The following CCDC146 variants were observed in gnomAD, a reference collection of about 807,000 sequenced individuals.
The protein encoded by CCDC146 is coiled-coil domain containing 146.
CCDC146 carries 92 observed loss-of-function variants against 119.3 expected under a neutral mutation model. That is an observed-to-expected ratio of 0.77 (90% confidence interval 0.65 to 0.92). CCDC146 has a LOEUF of 0.92. CCDC146 is among the 40% of genes least tolerant of loss of function. The pLI, the probability that CCDC146 is intolerant of heterozygous loss-of-function variation, is 0.00. For synonymous variants in CCDC146, 372 were observed against 371.8 expected (o/e 1.00, Z -0.01); for missense variants, 1,000 against 1,103.0 (o/e 0.91, Z 1.32).
chr7:77,261,315 CTA>C (rs1793292741), intron 8 of CCDC146, among the ~76,000 whole-genome samples: 1 of 152,054 alleles, frequency 6.6e-6, no homozygotes, highest in African/African-American at 2.4e-5. Context: ...TTGTTCTTCT[CTA>C]TGTGTCCATG....
intron 1 of CCDC146, among the ~76,000 whole-genome samples, chr7:77,126,303 G>T (rs1177747023): frequency 2.0e-5 from 3 of 152,046 alleles, no homozygotes; most frequent in East Asian, 1.9e-4. Flanking sequence ...ATTTCATCAT[G>T]TTATTGTCAG....
At chr7:77,242,045 G>A in intron 4 of CCDC146, 145 bp downstream of exon 4, 1 of 653,300 alleles carries the variant, frequency 1.5e-6, no homozygotes, top group Non-Finnish European at 2.6e-6. Context: ...TCCTTAGAAT[G>A]GAATGGGAAT....
chr7:77,236,094 T>TAAATAAATAA (rs6150171), intron 2 of CCDC146, among the ~76,000 whole-genome samples: 1 of 151,830 alleles, frequency 6.6e-6, no homozygotes. Flanking sequence ...AATAAATAAA[T>TAAATAAATAA]GTAAGAACAA....
In CCDC146 at chr7:77,130,790, G is replaced by A. The variant is rs111337649; in HGVS notation, c.-12+8058G>A. Among the ~76,000 whole-genome samples the A allele has an allele frequency of 8.0e-3, 1,204 of 150,146 alleles. 24 individuals are homozygous for A. Among genetic ancestry groups the A allele is most frequent in the African/African-American group, 0.028 (1,156 of 40,664 alleles). On this transcript the variant is annotated intron_variant, in intron 1 of 18. Transcript: ENST00000285871. ...ATTTTTGTATTTTTAGTAGAGACGG[G>A]GTTTCACCGTGTTAGCCAGGATGGT...
rs182923237 is a variant in CCDC146 at position 77,124,364 on chromosome 7, A to G, written c.-12+1632A>G. ...TATAATGAGTATCAAATCTGTCCAC[A>G]TATCAACAATGATTAATAAAAGTTG... On this transcript the variant is annotated intron_variant, in intron 1 of 18. Coordinates refer to ENST00000285871, the MANE Select transcript of CCDC146 (RefSeq NM_020879.3). Among the ~76,000 whole-genome samples, 140 of 152,352 alleles carry G rather than the reference A, an allele frequency of 9.2e-4. 3 individuals are homozygous for G. The East Asian group carries it at 0.025, about 27-fold the overall frequency.
rs1278687276 is a variant in CCDC146 at position 77,295,029 on chromosome 7, C to A, written c.*163C>A. ...AACAGGGTTTCTATTTACCCACCAA[C>A]TACTATACCTTTCATGACGTTGAAT... On this transcript the variant is annotated 3_prime_UTR_variant, in exon 19 of 19. Coordinates refer to ENST00000285871, the MANE Select transcript of CCDC146 (RefSeq NM_020879.3). The A allele has an allele frequency of 4.9e-6, 3 of 608,932 alleles. No homozygotes were observed. The highest frequency in any genetic ancestry group is 3.7e-5 in the African/African-American group (2 of 53,996). 37.7% of individuals were successfully genotyped at this position (608,932 alleles called of 1,614,324 possible). A position where few individuals can be genotyped will look rare whatever the true frequency, so the allele number is the denominator to read the frequency against.
chr7:77,218,735 A>T (rs1410497208), intron 2 of CCDC146, among the ~76,000 whole-genome samples: 1 of 149,366 alleles, frequency 6.7e-6, no homozygotes, highest in Non-Finnish European at 1.5e-5. Flanking sequence ...AATAACTGCC[A>T]TTTTTTTTTA....
intron 2 of CCDC146, among the ~76,000 whole-genome samples, chr7:77,213,572 C>G (rs556252352): frequency 3.3e-5 from 5 of 152,292 alleles, no homozygotes; most frequent in African/African-American, 1.2e-4. Context: ...TTGAACCCAT[C>G]ACATAAATAG....
At chr7:77,138,731 C>T (rs1790893744) in intron 1 of CCDC146, among the ~76,000 whole-genome samples, 1 of 152,196 alleles carries the variant, frequency 6.6e-6, no homozygotes, top group Non-Finnish European at 1.5e-5. Context: ...AAAAATCTCA[C>T]CAAAGAAGAT....
intron 2 of CCDC146, among the ~76,000 whole-genome samples, chr7:77,181,779 T>A (rs1201309734): frequency 6.6e-6 from 1 of 152,214 alleles, no homozygotes; most frequent in African/African-American, 2.4e-5. Flanking sequence ...TTTCCCCATG[T>A]GGAAATTAAT....
At chr7:77,229,544 G>A (rs540987139) in intron 2 of CCDC146, among the ~76,000 whole-genome samples, 20 of 152,142 alleles carry the variant, frequency 1.3e-4, no homozygotes, top group South Asian at 6.2e-4. Flanking sequence ...ATGGCTATCC[G>A]GTTACTCCAG....
chr7:77,285,746 T>C (rs1793836382), intron 15 of CCDC146, among the ~76,000 whole-genome samples: 1 of 152,246 alleles, frequency 6.6e-6, no homozygotes, highest in South Asian at 2.1e-4. Flanking sequence ...CATTCCTATT[T>C]AGGAGTAGCC....
At chr7:77,268,809 G>A (rs755671418) in intron 9 of CCDC146, among the ~76,000 whole-genome samples, 35 of 152,308 alleles carry the variant, frequency 2.3e-4, no homozygotes, top group Non-Finnish European at 4.0e-4. Flanking sequence ...TCAGGAAAAA[G>A]GCATTAGATT....
intron 1 of CCDC146, among the ~76,000 whole-genome samples, chr7:77,129,800 A>T (rs1226751060): frequency 6.6e-6 from 1 of 152,166 alleles, no homozygotes; most frequent in Non-Finnish European, 1.5e-5. Context: ...GAATTACATC[A>T]TACTCTTCTT....
At position 77,196,744 on chromosome 7, in the gene CCDC146, C is replaced by T; in HGVS notation, c.156+28920C>T. On this transcript the variant is annotated intron_variant, in intron 2 of 18. Transcript: ENST00000285871. This position sits in a 1 kb window ranked among gnomAD's most constrained non-coding sequence, Gnocchi z 4.2. ...TGGTCAGAAGATGAATTTTATCGTT[C>T]CCCAGCCAAAATTCCCTTCTGAGGT... 6.2e-7 allele frequency: 1 copy of T among 1,614,088 alleles called. No individual in the cohort carries two copies. The highest frequency in any genetic ancestry group is 8.5e-7 in the Non-Finnish European group (1 of 1,179,978).
chr7:77,282,160 C>A (rs930897003), intron 14 of CCDC146: 5 of 179,202 alleles, frequency 2.8e-5, no homozygotes, highest in Non-Finnish European at 5.9e-5. Flanking sequence ...ACTACATTCC[C>A]TGGCCCCCTG....
At chr7:77,147,936 CT>C in intron 1 of CCDC146, among the ~76,000 whole-genome samples, 1 of 152,348 alleles carries the variant, frequency 6.6e-6, no homozygotes, top group African/African-American at 2.4e-5. Context: ...CTCTTCAAAG[CT>C]GTCAGACAGG....
At chr7:77,247,432 A>G (rs1248265555) in intron 4 of CCDC146, among the ~76,000 whole-genome samples, 1 of 152,242 alleles carries the variant, frequency 6.6e-6, no homozygotes, top group Non-Finnish European at 1.5e-5. Flanking sequence ...GTGTAGGATC[A>G]ATACCTGGGA....
chr7:77,136,188 G>T (rs1327687882), intron 1 of CCDC146, among the ~76,000 whole-genome samples: 1 of 152,154 alleles, frequency 6.6e-6, no homozygotes, highest in African/African-American at 2.4e-5. Flanking sequence ...TTTTAGAAAA[G>T]AAGAAAGATC....
Sources: allele counts gnomAD v4.1 joint callset (sites outside exome capture counted in the v4.1 genomes callset), GRCh38; gene constraint gnomAD v4.1.1; non-coding constraint Gnocchi (gnomAD v3.1); transcripts MANE v1.5; gene names NCBI Gene and HGNC (gene_info 2026-07-23, HGNC 2026-07-21).